The following SAMSN1 variants were observed in gnomAD, a reference collection of about 807,000 sequenced individuals.
The protein encoded by SAMSN1 is SAM domain-containing protein SAMSN-1.
A neutral mutation model predicts 42.0 loss-of-function variants in SAMSN1; 31 were observed. The ratio of observed to expected loss-of-function variants is 0.74; its 90% CI spans 0.55 to 1.00. The LOEUF is 1.00. SAMSN1 is among the 50% of genes least tolerant of loss of function. The pLI, the probability that SAMSN1 is intolerant of heterozygous loss-of-function variation, is 0.00. For synonymous variants in SAMSN1, 178 were observed against 151.9 expected (o/e 1.17, Z -1.26); for missense variants, 464 against 439.4 (o/e 1.06, Z -0.50).
chr21:14,557,258 G>T (rs1342988616), intron 2 of SAMSN1, among the ~76,000 whole-genome samples: 2 of 152,160 alleles, frequency 1.3e-5, no homozygotes, highest in Non-Finnish European at 1.5e-5. Context: ...TCCTCTCCAA[G>T]TCTCAAATTT....
chr21:14,502,306 G>C (rs551599775), intron 5 of SAMSN1, among the ~76,000 whole-genome samples: 9 of 152,270 alleles, frequency 5.9e-5, no homozygotes, highest in African/African-American at 2.2e-4. Context: ...GATGGTATCA[G>C]CTAGGGAGAC....
intron 2 of SAMSN1, among the ~76,000 whole-genome samples, chr21:14,636,636 A>G (rs1333414865): frequency 6.6e-6 from 1 of 152,106 alleles, no homozygotes; most frequent in Admixed American, 6.5e-5. Context: ...AGGTAACAAG[A>G]TCAGGAGATT....
chr21:14,607,521 G>A (rs1982597276), intron 5 of SAMSN1, among the ~76,000 whole-genome samples: 1 of 152,170 alleles, frequency 6.6e-6, no homozygotes, highest in Non-Finnish European at 1.5e-5. Context: ...TGAAATGTCT[G>A]CTGAGGTTCT....
chr21:14,607,370 T>C (rs1034125560), intron 5 of SAMSN1, among the ~76,000 whole-genome samples: 1 of 152,174 alleles, frequency 6.6e-6, no homozygotes, highest in Admixed American at 6.5e-5. Flanking sequence ...ACTATACCCA[T>C]AAAATTTGAG....
At chr21:14,494,870 A>G (rs1032374286) in intron 7 of SAMSN1, among the ~76,000 whole-genome samples, 1 of 152,128 alleles carries the variant, frequency 6.6e-6, no homozygotes, top group African/African-American at 2.4e-5. Context: ...GTCTCTCTAG[A>G]TATATTTAAG....
At chr21:14,593,358 T>C (rs916556475) in intron 7 of SAMSN1, among the ~76,000 whole-genome samples, 2 of 152,130 alleles carry the variant, frequency 1.3e-5, no homozygotes, top group African/African-American at 4.8e-5. Context: ...ATAGGACTTA[T>C]AGTTGTTTCA....
chr21:14,488,807 G>A lies in SAMSN1; in HGVS notation c.920-2693C>T, dbSNP rs76564118. Among the ~76,000 whole-genome samples the A allele has an allele frequency of 3.7e-4, 57 of 152,184 alleles. No homozygotes were observed. The East Asian group carries it at 0.011, about 28-fold the overall frequency. ...CAGTAATTTGCTAAATGATTTCCTC[G>A]TGAAATGAAAACACGACTGTGCTCC... On this transcript the variant is annotated intron_variant, in intron 7 of 7. Coordinates refer to ENST00000400566, the MANE Select transcript of SAMSN1 (RefSeq NM_022136.5).
intron 2 of SAMSN1, among the ~76,000 whole-genome samples, chr21:14,562,641 T>C (rs1361038304): frequency 3.3e-5 from 5 of 151,896 alleles, no homozygotes; most frequent in Non-Finnish European, 7.4e-5. Flanking sequence ...CTCATCACCA[T>C]GAAATGAATA....
rs76013825 is a variant in SAMSN1, at chr21:14,522,253, G to A, written c.58-1032C>T. 4.1e-3 allele frequency among the ~76,000 whole-genome samples: 617 copies of A among 152,244 alleles called. 15 individuals are homozygous for A. The East Asian group carries it at 0.06, about 15-fold the overall frequency. On this transcript the variant is annotated intron_variant, in intron 1 of 7. Coordinates refer to ENST00000400566, the MANE Select transcript of SAMSN1 (RefSeq NM_022136.5). ...ATTTCTGATATGCAACAAAATAAAT[G>A]AATCCCTTAAACATATTTTAAAATT...
rs1981414483 is a variant in SAMSN1 at position 14,575,029 on chromosome 21, T to C, written c.261+7107A>G. Among the ~76,000 whole-genome samples, 3 of 152,310 alleles carry C rather than the reference T, an allele frequency of 2.0e-5. No individual in the cohort carries two copies. In the South Asian group the frequency reaches 6.2e-4, roughly 32 times the overall value. On this transcript the variant is annotated intron_variant, in intron 2 of 8. Coordinates refer to the SAMSN1 transcript ENST00000285670. ...ATTCTTCCGTTTTACCGTTTTCTTT[T>C]AATAAGATCACGTAAACTCTCTTGT... is the stretch of plus-strand genomic sequence containing the variant.
At chr21:14,548,144 A>G (rs12482945), upstream of SAMSN1, among the ~76,000 whole-genome samples, 37,779 of 152,040 alleles carry the variant, frequency 0.25, 5,289 homozygotes, top group East Asian at 0.49. Context: ...CACCCTCGAC[A>G]CCCTCTTTTC....
chr21:14,588,075 C>T (rs1406302927), upstream of SAMSN1, among the ~76,000 whole-genome samples: 1 of 140,438 alleles, frequency 7.1e-6, no homozygotes, highest in African/African-American at 2.7e-5. Context: ...AGGACATGAA[C>T]TCATCATTTT....
chr21:14,573,331 C>G (rs1479096573), intron 2 of SAMSN1, among the ~76,000 whole-genome samples: 4 of 152,124 alleles, frequency 2.6e-5, no homozygotes, highest in African/African-American at 9.7e-5. Context: ...TTTTAAAGTA[C>G]TTCTTGTTAG....
At chr21:14,654,829 A>C (rs1983891822) in intron 1 of SAMSN1, among the ~76,000 whole-genome samples, 1 of 151,916 alleles carries the variant, frequency 6.6e-6, no homozygotes, top group Non-Finnish European at 1.5e-5. Context: ...ACTAGTAGAT[A>C]AAGCAAGGCG....
At chr21:14,518,772 G>T (rs1988030660) in intron 2 of SAMSN1, among the ~76,000 whole-genome samples, 1 of 152,050 alleles carries the variant, frequency 6.6e-6, no homozygotes, top group Non-Finnish European at 1.5e-5. Context: ...TACATTCAAG[G>T]TTGAAATCAA....
At chr21:14,590,112 T>A (rs1037099839) in intron 7 of SAMSN1, among the ~76,000 whole-genome samples, 5 of 152,166 alleles carry the variant, frequency 3.3e-5, no homozygotes, top group African/African-American at 1.2e-4. Flanking sequence ...AATTTTTTAA[T>A]GCTCCCATGT....
chr21:14,581,340 A>ATTTTTTTTTTTTT (rs1404934178), intron 2 of SAMSN1, among the ~76,000 whole-genome samples: 4 of 22,524 alleles, frequency 1.8e-4, no homozygotes, highest in Admixed American at 5.9e-4. Flanking sequence ...GGGAAATAAT[A>ATTTTTTTTTTTTT]TTTCTTTTTT....
At chr21:14,585,151 G>C (rs573808629), upstream of SAMSN1, among the ~76,000 whole-genome samples, 1 of 152,260 alleles carries the variant, frequency 6.6e-6, no homozygotes, top group South Asian at 2.1e-4. Context: ...GCCATGCTCT[G>C]CTCAACACAA....
At chr21:14,582,823 T>C (rs1981787369) in intron 1 of SAMSN1, among the ~76,000 whole-genome samples, 1 of 151,034 alleles carries the variant, frequency 6.6e-6, no homozygotes, top group Non-Finnish European at 1.5e-5. Flanking sequence ...ACCTCTTATG[T>C]TTCTATTCTT....
Sources: allele counts gnomAD v4.1 joint callset (sites outside exome capture counted in the v4.1 genomes callset), GRCh38; gene constraint gnomAD v4.1.1; transcripts MANE v1.5; gene names NCBI Gene and HGNC (gene_info 2026-07-23, HGNC 2026-07-21).